The following GPM6A variants were observed in gnomAD, a reference collection of about 807,000 sequenced individuals.
GPM6A encodes neuronal membrane glycoprotein M6-a.
In GPM6A, 7 loss-of-function variants were observed where a neutral mutation model predicts 32.1. The ratio of observed to expected loss-of-function variants is 0.22; its 90% confidence interval spans 0.12 to 0.41. The LOEUF (loss-of-function observed/expected upper bound fraction) is 0.41. Ranked by LOEUF, GPM6A falls within the 10% of genes least tolerant of loss-of-function variation. The probability of loss-of-function intolerance (pLI) is 1.00; values close to 1 mark genes in which losing one functional copy is unlikely to be tolerated. For synonymous variants in GPM6A, 130 were observed against 123.4 expected, an observed-to-expected ratio of 1.05 and a Z score of -0.35; for missense variants, 235 against 347.2, an observed-to-expected ratio of 0.68 and a Z score of 2.57.
chr4:175,700,774 C>T (rs1180864685), intron 2 of GPM6A, among the ~76,000 whole-genome samples: 1 of 152,172 alleles, frequency 6.6e-6, no homozygotes, highest in South Asian at 2.1e-4. Flanking sequence ...GGATTACAAA[C>T]AAACTAATAA....
At position 175,811,329 on chromosome 4, in the gene GPM6A, A is replaced by C. The variant is rs536041336; in HGVS notation, c.37+862T>G. ...ACTGCTTCAGTACTAAGAAAATGAG[A>C]CCATTTTCTCTGACATTACATAAGC... On this transcript the variant is annotated intron_variant, in intron 1 of 6. Coordinates refer to ENST00000393658, the MANE Select transcript of GPM6A (RefSeq NM_201591.3). Among the ~76,000 whole-genome samples, 23 of 152,264 alleles carry C rather than the reference A, an allele frequency of 1.5e-4. No homozygotes were observed. The South Asian group carries it at 4.8e-3, about 32-fold the overall frequency.
At chr4:175,731,499 A>G (rs1267458680) in intron 1 of GPM6A, among the ~76,000 whole-genome samples, 2 of 152,006 alleles carry the variant, frequency 1.3e-5, no homozygotes, top group Non-Finnish European at 2.9e-5. Context: ...CACAAGGGTA[A>G]GGCGCAGCAG....
At chr4:175,959,407 A>T (rs1740094451) in intron 1 of GPM6A, among the ~76,000 whole-genome samples, 1 of 151,978 alleles carries the variant, frequency 6.6e-6, no homozygotes, top group Non-Finnish European at 1.5e-5. Flanking sequence ...TCTAGAAATG[A>T]TCCTGAATAC....
chr4:175,907,799 T>A (rs56225900), intron 1 of GPM6A, among the ~76,000 whole-genome samples: 2,744 of 152,274 alleles, frequency 0.018, 84 homozygotes, highest in African/African-American at 0.063. Flanking sequence ...AAACCTAGCA[T>A]AAAAGATAAA....
At chr4:175,931,709 C>CACATATATATATATAT (rs1324269132) in intron 1 of GPM6A, among the ~76,000 whole-genome samples, 19 of 129,332 alleles carry the variant, frequency 1.5e-4, no homozygotes, top group African/African-American at 5.2e-4. Flanking sequence ...CACACACACA[C>CACATATATATATATAT]ATATATATAT....
intron 1 of GPM6A, among the ~76,000 whole-genome samples, chr4:175,870,706 A>C (rs574683004): frequency 5.3e-5 from 8 of 152,166 alleles, no homozygotes; most frequent in African/African-American, 1.4e-4. Context: ...TGGGAAAACT[A>C]TCTCTCTTTT....
At chr4:175,978,227 G>A (rs1740717999) in intron 1 of GPM6A, among the ~76,000 whole-genome samples, 1 of 152,138 alleles carries the variant, frequency 6.6e-6, no homozygotes, top group South Asian at 2.1e-4. Context: ...AAGGTGAAAG[G>A]GAAGCAGGCA....
chr4:175,659,270 C>T (rs1236380799), intron 3 of GPM6A, among the ~76,000 whole-genome samples: 6 of 151,668 alleles, frequency 4.0e-5, no homozygotes, highest in African/African-American at 1.2e-4. Flanking sequence ...AGTAGAGACG[C>T]GGTTTCACCA....
chr4:175,635,087 G>A (rs1313636573), intron 6 of GPM6A, 30 bp from the exon 7 acceptor site: 2 of 1,591,858 alleles, frequency 1.3e-6, no homozygotes, highest in South Asian at 1.1e-5. Context: ...ATTTATATTG[G>A]AAGTTTGTTC....
At chr4:175,854,932 C>A (rs1736370621) in intron 1 of GPM6A, among the ~76,000 whole-genome samples, 1 of 152,166 alleles carries the variant, frequency 6.6e-6, no homozygotes, top group African/African-American at 2.4e-5. Context: ...TTGTTTCTAC[C>A]AGTAAGGGTA....
chr4:175,800,094 T>A (rs914135707), intron 1 of GPM6A, among the ~76,000 whole-genome samples: 2 of 152,192 alleles, frequency 1.3e-5, no homozygotes, highest in African/African-American at 4.8e-5. Flanking sequence ...ACAATATTTT[T>A]AAAAAGTATA....
chr4:175,806,412 A>G (rs1734699135), intron 1 of GPM6A, among the ~76,000 whole-genome samples: 1 of 152,202 alleles, frequency 6.6e-6, no homozygotes, highest in Non-Finnish European at 1.5e-5. Context: ...TTTCATTTGA[A>G]AAGGTGAATT....
chr4:175,818,589 AATGCATGC>A lies in GPM6A; in HGVS notation c.-22-6348_-22-6341del, dbSNP rs896467412. The stretch of plus-strand genomic sequence containing the variant: ...GTAAGCTTTCAATAGATACTTGTTG[AATGCATGC>A]ATGCATGCATGAATGACTGAATAAA... On this transcript the variant is annotated intron_variant, in intron 1 of 7. Coordinates refer to the GPM6A transcript ENST00000280187. 1.2e-4 allele frequency among the ~76,000 whole-genome samples: 19 copies of A among 152,362 alleles called. No homozygotes were observed. The East Asian group carries it at 3.5e-3, about 28-fold the overall frequency.
chr4:175,670,721 A>G (rs1743009333), intron 3 of GPM6A, among the ~76,000 whole-genome samples: 1 of 152,230 alleles, frequency 6.6e-6, no homozygotes, highest in Non-Finnish European at 1.5e-5. Flanking sequence ...TAGCATTAAA[A>G]TATTGTAATG....
intron 3 of GPM6A, among the ~76,000 whole-genome samples, chr4:175,662,001 G>A (rs1682567547): frequency 6.6e-6 from 1 of 151,904 alleles, no homozygotes; most frequent in Admixed American, 6.6e-5. Flanking sequence ...GAACTATATA[G>A]ACTGAAATGA....
intron 1 of GPM6A, among the ~76,000 whole-genome samples, chr4:175,768,824 G>A (rs765080570): frequency 5.3e-5 from 8 of 151,962 alleles, no homozygotes; most frequent in Non-Finnish European, 1.0e-4. Flanking sequence ...GGCCGGGTAC[G>A]GTGGCTCACA....
intron 1 of GPM6A, among the ~76,000 whole-genome samples, chr4:175,765,853 A>G (rs1579475688): frequency 6.6e-6 from 1 of 152,226 alleles, no homozygotes; most frequent in East Asian, 1.9e-4. Flanking sequence ...ACTGTTCTAG[A>G]ACCTTCTCAA....
chr4:175,830,329 C>T (rs1488818944), intron 1 of GPM6A, among the ~76,000 whole-genome samples: 1 of 152,132 alleles, frequency 6.6e-6, no homozygotes, highest in East Asian at 1.9e-4. Flanking sequence ...TGCTACATCA[C>T]ATTTTTTAGA....
intron 1 of GPM6A, among the ~76,000 whole-genome samples, chr4:175,707,652 A>G (rs1394423837): frequency 6.6e-6 from 1 of 151,922 alleles, no homozygotes; most frequent in Non-Finnish European, 1.5e-5. Context: ...TTTTTTCAAT[A>G]TATGTGCCTT....
Sources: gnomAD v4.1 joint callset for allele counts (sites outside exome capture counted in the v4.1 genomes callset) on GRCh38, gnomAD v4.1.1 for gene constraint, MANE v1.5 for transcripts, NCBI Gene and HGNC (gene_info 2026-07-23, HGNC 2026-07-21) for gene names.